Variants in DLC1 observed in about 807,000 individuals in gnomAD.
DLC1 encodes rho GTPase-activating protein 7.
DLC1 carries 54 observed loss-of-function variants against 140.3 expected under a neutral mutation model. The ratio of observed to expected loss-of-function variants is 0.38; its 90% CI spans 0.31 to 0.48. The LOEUF is 0.48. Among genes scored for constraint, DLC1 ranks in the 20% least tolerant of loss-of-function variants. The pLI, the probability that DLC1 is intolerant of heterozygous loss-of-function variation, is 0.96. For missense variants in DLC1, 2,536 were observed against 1,907.0 expected, an observed-to-expected ratio of 1.33 and a Z score of -6.14; for synonymous variants, 986 against 728.1, an observed-to-expected ratio of 1.35 and a Z score of -5.70.
At chr8:13,361,262 A>G (rs1421444858) in intron 4 of DLC1, among the ~76,000 whole-genome samples, 1 of 152,032 alleles carries the variant, frequency 6.6e-6, no homozygotes, top group African/African-American at 2.4e-5. Context: ...AACGAGAGAG[A>G]GAAAGAAACA....
intron 4 of DLC1, among the ~76,000 whole-genome samples, chr8:13,370,544 G>A (rs970718760): frequency 1.3e-5 from 2 of 152,130 alleles, no homozygotes; most frequent in East Asian, 3.9e-4. Context: ...CATTATCCTT[G>A]ATGTTCCTGT....
chr8:13,216,660 G>A (rs1463981122), intron 5 of DLC1, among the ~76,000 whole-genome samples: 2 of 152,050 alleles, frequency 1.3e-5, no homozygotes, highest in Admixed American at 6.6e-5. Context: ...CCTTAGCAAT[G>A]GTTTAGCCCA....
chr8:13,583,898 A>G (rs1377309430), intron 1 of DLC1: 1 of 152,208 alleles, frequency 6.6e-6, no homozygotes, highest in Non-Finnish European at 1.5e-5. Context: ...TGGCTGGCTT[A>G]TTGGATAAAC....
At chr8:13,322,905 C>T (rs1183200336) in intron 4 of DLC1, among the ~76,000 whole-genome samples, 1 of 152,168 alleles carries the variant, frequency 6.6e-6, no homozygotes, top group Non-Finnish European at 1.5e-5. Context: ...CCATAAGGCA[C>T]TGCAGATTCC....
At chr8:13,375,894 A>G (rs1423540276) in intron 4 of DLC1, among the ~76,000 whole-genome samples, 1 of 152,168 alleles carries the variant, frequency 6.6e-6, no homozygotes, top group Non-Finnish European at 1.5e-5. Flanking sequence ...GAAAAAATGT[A>G]TATCTCTCTA....
At chr8:13,486,973 C>T (rs1276024232) in intron 2 of DLC1, among the ~76,000 whole-genome samples, 2 of 152,166 alleles carry the variant, frequency 1.3e-5, no homozygotes, top group African/African-American at 4.8e-5. Context: ...GTGATATTGA[C>T]TCAAAGTCCC....
intron 2 of DLC1, among the ~76,000 whole-genome samples, chr8:13,412,767 C>T (rs772992691): frequency 6.6e-6 from 1 of 151,784 alleles, no homozygotes; most frequent in African/African-American, 2.4e-5. Context: ...CCCGTCTGTA[C>T]TAAAAATACA....
chr8:13,333,966 C>G lies in DLC1; in HGVS notation c.1315-28664G>C, dbSNP rs188588072. ...ACAGAATTTGAAAAGCCCCTTTGCT[C>G]ATGAGGCTGACCTTCCAGTGGGGAA... On this transcript the variant is annotated intron_variant, in intron 4 of 17. Coordinates refer to ENST00000276297, the MANE Select transcript of DLC1 (RefSeq NM_182643.3). Among the ~76,000 whole-genome samples, 361 of 152,262 alleles carry G rather than the reference C, an allele frequency of 2.4e-3. 3 individuals carry two copies. The highest frequency in any genetic ancestry group is 8.5e-3 in the African/African-American group (354 of 41,538).
Position 13,100,774 on chromosome 8 carries a change from C to T in DLC1, c.1567-4G>A, listed in dbSNP as rs1366962212. ...CATCCTCGTCTGAATCGTCACTCTG[C>T]AAAGACAGAAAGGAGCCATTCACAC... On this transcript the variant is annotated splice_region_variant and splice_polypyrimidine_tract_variant and intron_variant, in intron 8 of 17. Transcript: ENST00000276297. 1.9e-6 allele frequency: 3 copies of T among 1,553,418 alleles called. No homozygotes were observed. The highest frequency in any genetic ancestry group is 2.6e-6 in the Non-Finnish European group (3 of 1,151,590).
chr8:13,534,713 C>T (rs902271717), intron 1 of DLC1, among the ~76,000 whole-genome samples: 1 of 152,296 alleles, frequency 6.6e-6, no homozygotes, highest in African/African-American at 2.4e-5. Flanking sequence ...CAGCTGCTGT[C>T]AATTCTGAAG....
At chr8:13,174,181 C>G (rs906020676) in intron 5 of DLC1, among the ~76,000 whole-genome samples, 3 of 152,158 alleles carry the variant, frequency 2.0e-5, no homozygotes, top group African/African-American at 7.2e-5. Flanking sequence ...CATGTTGCTG[C>G]AAAGGATGTG....
In DLC1 at chr8:13,094,747, A is replaced by G. The variant is rs374441218; in HGVS notation, c.3526+12T>C. On this transcript the variant is annotated intron_variant, in intron 12 of 17. Coordinates refer to ENST00000276297, the MANE Select transcript of DLC1 (RefSeq NM_182643.3). ...CCCAATGCCAACAATCTTAAGATCA[A>G]AGGACACTCACATTGGTAGATCTGT... 4.3e-6 allele frequency: 7 copies of G among 1,614,042 alleles called. No homozygotes were observed. The highest frequency in any genetic ancestry group is 5.9e-6 in the Non-Finnish European group (7 of 1,180,020).
intron 4 of DLC1, among the ~76,000 whole-genome samples, chr8:13,345,141 C>T (rs1834268966): frequency 6.6e-6 from 1 of 152,018 alleles, no homozygotes. Flanking sequence ...CATTTGTCCA[C>T]GTGTGATATG....
chr8:13,130,166 G>A (rs117817431), intron 5 of DLC1, among the ~76,000 whole-genome samples: 10,673 of 152,100 alleles, frequency 0.07, 522 homozygotes, highest in Non-Finnish European at 0.1. Context: ...TAAACATTGC[G>A]TCATGGCTTA....
intron 2 of DLC1, among the ~76,000 whole-genome samples, chr8:13,453,342 T>C (rs1377814343): frequency 7.4e-6 from 1 of 135,854 alleles, no homozygotes; most frequent in African/African-American, 2.7e-5. Flanking sequence ...ATTATTAAAA[T>C]AGAGAAATTC....
At chr8:13,292,155 T>C (rs1378382710) in intron 5 of DLC1, among the ~76,000 whole-genome samples, 3 of 152,216 alleles carry the variant, frequency 2.0e-5, no homozygotes, top group Non-Finnish European at 4.4e-5. Flanking sequence ...TAAATGGGAA[T>C]GCTGTTGGAA....
At chr8:13,313,874 G>C (rs939904444) in intron 4 of DLC1, among the ~76,000 whole-genome samples, 1 of 151,792 alleles carries the variant, frequency 6.6e-6, no homozygotes, top group East Asian at 1.9e-4. Context: ...TTTGAGGTTT[G>C]TCACCCCAAA....
In DLC1 at chr8:13,499,774, G is replaced by C. The variant is rs774305600; in HGVS notation, c.298C>G (p.Leu100Val). The change falls in exon 2 of 18, where the codon CTG (leucine) becomes GTG (valine). Residue 100 changes from leucine to valine, a missense_variant. Coordinates refer to ENST00000276297, the MANE Select transcript of DLC1 (RefSeq NM_182643.3). ...ACTAGTGTTTCTGTGCTGGCTTCCAGAGAAAGAAACTGATCTTCACCTTCA... is the reference window on the plus strand; with the variant it reads ...ACTAGTGTTTCTGTGCTGGCTTCCACAGAAAGAAACTGATCTTCACCTTCA... ...SHEGEDQFLS[L>V]EASTETLVHV... is the part of the protein sequence containing the mutation. The C allele has an allele frequency of 6.2e-7, 1 of 1,614,018 alleles. No homozygotes were observed. The highest frequency in any genetic ancestry group is 8.5e-7 in the Non-Finnish European group (1 of 1,180,014).
In DLC1 at chr8:13,473,086, G is replaced by C. The variant is rs544996246; in HGVS notation, c.1023+25963C>G. Among the ~76,000 whole-genome samples, 32 of 152,332 alleles carry C rather than the reference G, an allele frequency of 2.1e-4. 1 individual carries two copies. The highest frequency in any genetic ancestry group is 1.5e-3 in the East Asian group (8 of 5,178). On this transcript the variant is annotated intron_variant, in intron 2 of 17. Transcript: ENST00000276297. ...TGTGGTGCTGACTATTATTATGCAG[G>C]TCAGGGGGTGATATGCAGACTTGAT...
Sources: gnomAD v4.1 joint callset for allele counts (sites outside exome capture counted in the v4.1 genomes callset) on GRCh38, gnomAD v4.1.1 for gene constraint, MANE v1.5 for transcripts, NCBI Gene and HGNC (gene_info 2026-07-23, HGNC 2026-07-21) for gene names.